Variants in MLLT10 observed in about 807,000 individuals in gnomAD.
MLLT10 encodes MLLT10 histone lysine methyltransferase DOT1L cofactor, also known as protein AF-10.
A neutral mutation model predicts 129.1 loss-of-function variants in MLLT10; 30 were observed. The observed-to-expected ratio is 0.23, with a 90% confidence interval of 0.17 to 0.32. The LOEUF (loss-of-function observed/expected upper bound fraction) is 0.32. MLLT10 is among the 10% of genes least tolerant of loss of function. The probability of loss-of-function intolerance (pLI) is 1.00; values close to 1 mark genes in which losing one functional copy is unlikely to be tolerated. For synonymous variants in MLLT10, 490 were observed against 446.4 expected, an observed-to-expected ratio of 1.10 and a Z score of -1.23; for missense variants, 1,119 against 1,268.3, an observed-to-expected ratio of 0.88 and a Z score of 1.79.
chr10:21,704,016 G>GTTTTTTTTTTTTTTTT lies in MLLT10; in HGVS notation c.1700-9748_1700-9733dup, dbSNP rs60982595. ...ACATTTTGGATTTCGATTGTTTTTT[G>GTTTTTTTTTTTTTTTT]TTTTTTTTTTTTTTTTTTTTTTTGA... On this transcript the variant is annotated intron_variant, in intron 13 of 22. Transcript: ENST00000307729. Among the ~76,000 whole-genome samples the GTTTTTTTTTTTTTTTT allele has an allele frequency of 1.8e-4, 10 of 56,632 alleles. 1 individual carries two copies. The East Asian group carries it at 1.8e-3, about 10-fold the overall frequency. The allele number at this position is 56,632 out of a possible 152,430, so 37.2% of individuals were successfully genotyped here.
Position 21,733,762 on chromosome 10 carries a change from C to A in MLLT10, c.2497-6C>A. 1 of 1,605,244 alleles carries A rather than the reference C, an allele frequency of 6.2e-7. No individual in the cohort carries two copies. The highest frequency in any genetic ancestry group is 8.5e-7 in the Non-Finnish European group (1 of 1,175,552). ...TGGACTTAGTTTCTCTTCTTTCTTA[C>A]GCTAGGACTTAACCTCCAGTGGACA... On this transcript the variant is annotated splice_polypyrimidine_tract_variant and splice_region_variant and intron_variant, in intron 19 of 22. Transcript: ENST00000307729.
chr10:21,667,278 A>G (rs1413807331), intron 9 of MLLT10, among the ~76,000 whole-genome samples: 4 of 151,920 alleles, frequency 2.6e-5, no homozygotes, highest in Non-Finnish European at 5.9e-5. Context: ...TGGTTTTTAA[A>G]GATAAGCAAT....
intron 13 of MLLT10, among the ~76,000 whole-genome samples, chr10:21,693,015 A>G (rs577038679): frequency 2.6e-5 from 4 of 152,302 alleles, no homozygotes; most frequent in Admixed American, 6.5e-5. Context: ...AGAAACAGAA[A>G]AAAAAAATCA....
intron 13 of MLLT10, among the ~76,000 whole-genome samples, chr10:21,690,819 C>T (rs760764735): frequency 1.3e-5 from 2 of 151,950 alleles, no homozygotes; most frequent in Admixed American, 6.6e-5. Flanking sequence ...TTTTCTTTAT[C>T]GTTTTCAAAA....
intron 8 of MLLT10, among the ~76,000 whole-genome samples, chr10:21,635,925 C>CTTTTTTTT (rs530505484): frequency 9.0e-6 from 1 of 111,528 alleles, no homozygotes; most frequent in Non-Finnish European, 1.8e-5. Context: ...TGCACCTGGC[C>CTTTTTTTT]TTTTTTTTTT....
At chr10:21,536,364 A>C (rs2034002165) in intron 2 of MLLT10, among the ~76,000 whole-genome samples, 1 of 152,192 alleles carries the variant, frequency 6.6e-6, no homozygotes, top group South Asian at 2.1e-4. Context: ...AAGGCCAATG[A>C]ATTTCTTATG....
chr10:21,583,112 G>A (rs1409866269), intron 3 of MLLT10, among the ~76,000 whole-genome samples: 1 of 152,202 alleles, frequency 6.6e-6, no homozygotes, highest in Non-Finnish European at 1.5e-5. Flanking sequence ...GGAGGTTGCA[G>A]TGAGCCGAGA....
At chr10:21,631,711 A>G (rs1352352009) in intron 8 of MLLT10, among the ~76,000 whole-genome samples, 1 of 152,178 alleles carries the variant, frequency 6.6e-6, no homozygotes, top group African/African-American at 2.4e-5. Flanking sequence ...CTTTCAAACA[A>G]CCAGATCTGG....
chr10:21,657,123 A>G (rs1301238856), intron 9 of MLLT10, among the ~76,000 whole-genome samples: 1 of 152,066 alleles, frequency 6.6e-6, no homozygotes, highest in Non-Finnish European at 1.5e-5. Flanking sequence ...CAGGTGGGGT[A>G]GCTCACACCT....
At chr10:21,562,546 G>T (rs1420995579) in intron 3 of MLLT10, among the ~76,000 whole-genome samples, 2 of 151,228 alleles carry the variant, frequency 1.3e-5, no homozygotes, top group South Asian at 2.1e-4. Context: ...CCATGTTGGC[G>T]AGGCTGGTTT....
chr10:21,610,101 C>T (rs1182977539), intron 5 of MLLT10, among the ~76,000 whole-genome samples: 1 of 152,166 alleles, frequency 6.6e-6, no homozygotes, highest in Non-Finnish European at 1.5e-5. Flanking sequence ...GACACTCTTG[C>T]TCTATAAGAG....
chr10:21,615,228 C>T (rs968132180), intron 7 of MLLT10, among the ~76,000 whole-genome samples: 9 of 151,740 alleles, frequency 5.9e-5, no homozygotes, highest in Admixed American at 5.9e-4. Flanking sequence ...GAGGCCGAGG[C>T]GGGTGGATCA....
In MLLT10 at chr10:21,625,082, G is replaced by T. The variant is rs2046299484; in HGVS notation, c.699+7875G>T. 6.6e-5 allele frequency: 58 copies of T among 877,806 alleles called. 2 individuals carry two copies. The South Asian group carries it at 8.1e-4, about 12-fold the overall frequency. The allele number at this position is 877,806 out of a possible 1,614,324, so 54.4% of individuals were successfully genotyped here. Reference sequence around the variant, plus strand: ...TAATCATAACTGTAGTAATCTTCATGCCATAGTAATCTGGAGGTTAGCCAT... The same window carrying T: ...TAATCATAACTGTAGTAATCTTCATTCCATAGTAATCTGGAGGTTAGCCAT... On this transcript the variant is annotated intron_variant, in intron 8 of 22. Coordinates refer to ENST00000307729, the MANE Select transcript of MLLT10 (RefSeq NM_001195626.3).
intron 3 of MLLT10, among the ~76,000 whole-genome samples, chr10:21,563,791 G>GTATTATTATTAT (rs34367086): frequency 0.012 from 1,679 of 145,638 alleles, 30 homozygotes; most frequent in African/African-American, 0.041. Flanking sequence ...CTCACTGTGT[G>GTATTATTATTAT]TATTATTATT....
In MLLT10 at chr10:21,618,360, G is replaced by A. The variant is rs73592592; in HGVS notation, c.699+1153G>A. On this transcript the variant is annotated intron_variant, in intron 8 of 22. Transcript: ENST00000307729. ...AAAATACGAAAAAAAAAAATTATTC[G>A]GGCCTGGTGGTGGTTGTTTGTAATC... Among the ~76,000 whole-genome samples, 247 of 151,714 alleles carry A rather than the reference G, an allele frequency of 1.6e-3. 1 individual carries two copies. Among genetic ancestry groups the A allele is most frequent in the African/African-American group, 5.4e-3 (223 of 41,394 alleles).
At chr10:21,680,933 G>A (rs1449540814) in intron 11 of MLLT10, among the ~76,000 whole-genome samples, 3 of 151,146 alleles carry the variant, frequency 2.0e-5, no homozygotes, top group African/African-American at 7.3e-5. Context: ...TCCATCCTGG[G>A]CAACAGAGTG....
intron 8 of MLLT10, among the ~76,000 whole-genome samples, chr10:21,617,864 C>A (rs943892315): frequency 6.6e-6 from 1 of 151,964 alleles, no homozygotes; most frequent in Non-Finnish European, 1.5e-5. Context: ...TCTTTAAGAA[C>A]ATATTGCCAT....
chr10:21,552,388 CTTTTTTT>C (rs1225893534), intron 3 of MLLT10, among the ~76,000 whole-genome samples: 1 of 112,094 alleles, frequency 8.9e-6, no homozygotes, highest in African/African-American at 3.5e-5. Flanking sequence ...CTTCTTATTG[CTTTTTTT>C]TTTTTTTTTT....
intron 3 of MLLT10, chr10:21,564,514 A>G (rs1445842900): frequency 6.6e-6 from 1 of 151,336 alleles, no homozygotes; most frequent in Non-Finnish European, 1.5e-5. Flanking sequence ...ATTACTGTTC[A>G]GGGAGCATGC....
Sources: allele counts gnomAD v4.1 joint callset (sites outside exome capture counted in the v4.1 genomes callset), GRCh38; gene constraint gnomAD v4.1.1; transcripts MANE v1.5; gene names NCBI Gene and HGNC (gene_info 2026-07-23, HGNC 2026-07-21).